Variants in ZFHX3 observed in about 807,000 individuals in gnomAD.
ZFHX3 encodes the protein zinc finger homeobox 3.
Under a neutral mutation model 279.1 loss-of-function variants are expected in ZFHX3, and 42 were observed. The ratio of observed to expected loss-of-function variants is 0.15; its 90% CI spans 0.12 to 0.19. The LOEUF (loss-of-function observed/expected upper bound fraction) is 0.19. Among genes scored for constraint, ZFHX3 ranks in the 10% least tolerant of loss-of-function variants. The pLI, the probability that ZFHX3 is intolerant of heterozygous loss-of-function variation, is 1.00. For synonymous variants in ZFHX3, 2,293 were observed against 1,957.8 expected, an observed-to-expected ratio of 1.17 and a Z score of -4.52; for missense variants, 4,981 against 4,754.0, an observed-to-expected ratio of 1.05 and a Z score of -1.40.
chr16:73,174,027 C>G (rs1967601143), intron 5 of ZFHX3, among the ~76,000 whole-genome samples: 1 of 152,168 alleles, frequency 6.6e-6, no homozygotes, highest in Non-Finnish European at 1.5e-5. Flanking sequence ...TTTCCGGGCT[C>G]CCAAAATTCC....
chr16:72,846,376 C>T (rs1357528336), intron 4 of ZFHX3, among the ~76,000 whole-genome samples: 3 of 152,186 alleles, frequency 2.0e-5, no homozygotes, highest in East Asian at 3.9e-4. Flanking sequence ...GCTGGAAGAG[C>T]GCTGAGCGCT....
intron 2 of ZFHX3, among the ~76,000 whole-genome samples, chr16:73,589,568 A>G (rs1440144757): frequency 6.6e-6 from 1 of 151,010 alleles, no homozygotes; most frequent in Non-Finnish European, 1.5e-5. Flanking sequence ...CGTCTCTACT[A>G]AAAACACAAA....
chr16:72,946,684 C>T (rs1043031079), intron 3 of ZFHX3, among the ~76,000 whole-genome samples: 2 of 152,154 alleles, frequency 1.3e-5, no homozygotes, highest in Non-Finnish European at 2.9e-5. Flanking sequence ...TGAACCCACA[C>T]GCCTCAGACG....
At chr16:73,208,352 A>G (rs1026725201) in intron 5 of ZFHX3, among the ~76,000 whole-genome samples, 5 of 152,226 alleles carry the variant, frequency 3.3e-5, no homozygotes, top group Non-Finnish European at 7.3e-5. Context: ...AAAACCATGT[A>G]CACAATATAT....
intron 1 of ZFHX3, among the ~76,000 whole-genome samples, chr16:73,714,582 T>C (rs968218502): frequency 7.9e-5 from 12 of 152,218 alleles, no homozygotes; most frequent in Non-Finnish European, 5.9e-5. Flanking sequence ...GGTATTCAAA[T>C]GCTTTATGGC....
At chr16:73,211,516 C>T (rs919481896) in intron 5 of ZFHX3, among the ~76,000 whole-genome samples, 14 of 152,076 alleles carry the variant, frequency 9.2e-5, no homozygotes, top group East Asian at 3.9e-4. Flanking sequence ...ATACAAAGCA[C>T]GGGGAAATAT....
Position 72,788,347 on chromosome 16 carries a change from T to A in ZFHX3, c.9929A>T (p.Tyr3310Phe). The A allele has an allele frequency of 6.2e-7, 1 of 1,614,094 alleles. No individual in the cohort carries two copies. Among genetic ancestry groups the A allele is most frequent in the South Asian group, 1.1e-5 (1 of 91,074 alleles). The change falls in exon 10 of 10, where the codon TAC (tyrosine) becomes TTC (phenylalanine). Residue 3310 changes from tyrosine to phenylalanine, a missense_variant. Around this residue, in one of 7 missense-constraint regions of ZFHX3, gnomAD observed 1,034 missense variants for 786.0 expected, o/e 1.32. Coordinates refer to ENST00000268489, the MANE Select transcript of ZFHX3 (RefSeq NM_006885.4). ...ATAAGGAGAAAAGCCTGGTACAAAG[T>A]AAGGAAGGAACTGGCTTGTGAGCAA... ...TALLTSQFLP[Y>F]FVPGFSPYYA...
chr16:73,566,157 C>T (rs922009736), intron 2 of ZFHX3, among the ~76,000 whole-genome samples: 4 of 152,296 alleles, frequency 2.6e-5, no homozygotes, highest in South Asian at 2.1e-4. Context: ...TCTCCACATG[C>T]GGGCAGGAAG....
intron 2 of ZFHX3, among the ~76,000 whole-genome samples, chr16:73,615,358 C>T (rs1317170256): frequency 6.6e-6 from 1 of 152,086 alleles, no homozygotes; most frequent in Non-Finnish European, 1.5e-5. Context: ...GGAGGTAAGA[C>T]AAGCACAGGG....
At chr16:73,093,277 C>A in exon 8 of ZFHX3, 1 of 483,110 alleles carries the variant, frequency 2.1e-6, no homozygotes, top group Non-Finnish European at 4.1e-6. Context: ...ACGTGCCACC[C>A]TTTGCACATC....
In ZFHX3 at chr16:72,796,160, T is replaced by C; in HGVS notation, c.6522A>G (p.Gln2174=). The change falls in exon 9 of 10, where the codon CAA becomes CAG. Residue 2174 remains glutamine (Q), a synonymous_variant. Coordinates refer to ENST00000268489, the MANE Select transcript of ZFHX3 (RefSeq NM_006885.4). ...FDINNSPSEE[Q]IKEMADKSGL... ...CGGACTTGTCTGCCATCTCTTTTAT[T>C]TGCTCTTCACTGGGGGAGTTGTTAA... The C allele has an allele frequency of 1.2e-6, 2 of 1,614,164 alleles. No individual in the cohort carries two copies.
intron 5 of ZFHX3, among the ~76,000 whole-genome samples, chr16:73,240,173 G>T (rs1567427259): frequency 6.6e-6 from 1 of 151,912 alleles, no homozygotes; most frequent in African/African-American, 2.4e-5. Context: ...GCCTTCTTGT[G>T]CTTAGGACCA....
At chr16:73,447,500 G>A (rs1231973469) in intron 3 of ZFHX3, among the ~76,000 whole-genome samples, 2 of 152,138 alleles carry the variant, frequency 1.3e-5, no homozygotes, top group African/African-American at 4.8e-5. Context: ...CATCTTGGGT[G>A]GAGTCAGGAA....
At chr16:73,201,300 G>A (rs1005392716) in intron 5 of ZFHX3, among the ~76,000 whole-genome samples, 11 of 152,210 alleles carry the variant, frequency 7.2e-5, no homozygotes, top group African/African-American at 2.7e-4. Context: ...AAACACAGAG[G>A]AAAACAGAAC....
intron 4 of ZFHX3, among the ~76,000 whole-genome samples, chr16:73,298,102 G>A (rs1324171166): frequency 6.6e-6 from 1 of 151,770 alleles, no homozygotes; most frequent in Non-Finnish European, 1.5e-5. Flanking sequence ...GAGGTAGGAG[G>A]AGTGCTTGAG....
chr16:73,412,326 CAAAAAAAAAAAAAA>C (rs60447973), intron 3 of ZFHX3, among the ~76,000 whole-genome samples: 4 of 117,416 alleles, frequency 3.4e-5, no homozygotes, highest in Admixed American at 9.3e-5. Context: ...GAGACTGTTT[CAAAAAAAAAAAAAA>C]AAAAAAAAAG....
At chr16:73,476,548 A>G (rs910652547) in intron 2 of ZFHX3, among the ~76,000 whole-genome samples, 1 of 152,202 alleles carries the variant, frequency 6.6e-6, no homozygotes. Context: ...AATGGAGTAT[A>G]CACAAATATT....
chr16:73,243,399 C>T (rs1340231459), intron 5 of ZFHX3, among the ~76,000 whole-genome samples: 3 of 152,156 alleles, frequency 2.0e-5, no homozygotes, highest in Non-Finnish European at 4.4e-5. Context: ...TTTTTGTCCT[C>T]ATTGTACTCA....
chr16:73,877,119 C>G (rs1395155876), intron 1 of ZFHX3, among the ~76,000 whole-genome samples: 1 of 137,070 alleles, frequency 7.3e-6, no homozygotes, highest in Non-Finnish European at 1.5e-5. Context: ...TAAATTTCTA[C>G]AAACCCAAGT....
Sources: allele counts gnomAD v4.1 joint callset (sites outside exome capture counted in the v4.1 genomes callset), GRCh38; gene constraint gnomAD v4.1.1; regional missense constraint gnomAD v4.1.1; transcripts MANE v1.5; gene names NCBI Gene and HGNC (gene_info 2026-07-23, HGNC 2026-07-21).